Variants in GALNT18 observed in about 807,000 individuals in gnomAD.
GALNT18 encodes GalNAc-transferase 18.
A neutral mutation model predicts 69.5 loss-of-function variants in GALNT18; 44 were observed. That is an observed-to-expected ratio of 0.63 (90% CI 0.50 to 0.81). GALNT18 has a LOEUF of 0.81. GALNT18 is among the 40% of genes least tolerant of loss of function. The pLI, the probability that GALNT18 is intolerant of heterozygous loss-of-function variation, is 0.00. For synonymous variants in GALNT18, 364 were observed against 318.2 expected (o/e 1.14, Z -1.53); for missense variants, 715 against 810.0 (o/e 0.88, Z 1.42).
At position 11,563,827 on chromosome 11, in the gene GALNT18, C is replaced by T. The variant is rs752226933; in HGVS notation, c.235+57532G>A. 2.8e-4 allele frequency among the ~76,000 whole-genome samples: 43 copies of T among 152,084 alleles called. No individual in the cohort carries two copies. The highest frequency in any genetic ancestry group is 2.6e-4 in the Admixed American group (4 of 15,272). On this transcript the variant is annotated intron_variant, in intron 1 of 10. Transcript: ENST00000227756. The surrounding 1 kb of genome is among the most constrained non-coding windows in gnomAD (Gnocchi z 4.6). ...CTATAAATATCCAGAGAGAGGGAGACGAGATGAGAAAACAGATATCCTTTC... is the reference window on the plus strand; with the variant it reads ...CTATAAATATCCAGAGAGAGGGAGATGAGATGAGAAAACAGATATCCTTTC...
At chr11:11,409,959 C>A (rs568642876) in intron 3 of GALNT18, among the ~76,000 whole-genome samples, 2 of 152,308 alleles carry the variant, frequency 1.3e-5, no homozygotes, top group South Asian at 4.1e-4. Flanking sequence ...GAAGTTAACT[C>A]AAAGCTCCCT....
At chr11:11,397,057 C>T (rs1854349063) in intron 3 of GALNT18, among the ~76,000 whole-genome samples, 1 of 152,118 alleles carries the variant, frequency 6.6e-6, no homozygotes, top group African/African-American at 2.4e-5. Flanking sequence ...TATCTACATA[C>T]ACAGACCCCC....
At chr11:11,294,719 C>T (rs1263245651) in intron 9 of GALNT18, among the ~76,000 whole-genome samples, 10 of 152,138 alleles carry the variant, frequency 6.6e-5, no homozygotes, top group East Asian at 1.9e-4. Context: ...GGGAAAGCCA[C>T]GTGACTCTTG....
intron 1 of GALNT18, among the ~76,000 whole-genome samples, chr11:11,530,226 C>T (rs11021905): frequency 0.23 from 34,906 of 152,086 alleles, 4,477 homozygotes; most frequent in Non-Finnish European, 0.27. Flanking sequence ...GGAAGGGGCC[C>T]CTGGATTCCT....
rs1248657146 is a variant in GALNT18 at position 11,432,663 on chromosome 11, G to T, written c.553C>A (p.Leu185Met). ...TCCACCAGAATGATCTCCTTGAGCA[G>T]ATGTGGGGGCGTGCGTTCCATGGCC... ...HSAMERTPPH[L>M]LKEIILVDDN... Residue 185 changes from leucine (L) to methionine (M), a missense_variant, in exon 3 of 11, where the codon CTG (leucine) becomes ATG (methionine). Transcript: ENST00000227756. This position sits in a 1 kb window ranked among gnomAD's most constrained non-coding sequence, Gnocchi z 5.8. 1 of 1,612,296 alleles carries T rather than the reference G, an allele frequency of 6.2e-7. No individual in the cohort carries two copies. Among genetic ancestry groups the T allele is most frequent in the Admixed American group, 1.7e-5 (1 of 59,818 alleles).
chr11:11,362,303 A>C (rs1312057186), intron 6 of GALNT18, among the ~76,000 whole-genome samples: 1 of 152,210 alleles, frequency 6.6e-6, no homozygotes, highest in African/African-American at 2.4e-5. Flanking sequence ...GGAAGCAAGA[A>C]GAAAAAAAGT....
At position 11,342,052 on chromosome 11, in the gene GALNT18, T is replaced by C. The variant is rs554343884; in HGVS notation, c.1093-1048A>G. 3.3e-5 allele frequency among the ~76,000 whole-genome samples: 5 copies of C among 152,140 alleles called. No individual in the cohort carries two copies. In the South Asian group the frequency reaches 1.0e-3, roughly 32 times the overall value. Reference sequence around the variant, plus strand: ...CGATATTCAGAGTAGAGCCAATTTCTCCCTCCTCTGGCCCCCACAGCCCTT... The same window carrying C: ...CGATATTCAGAGTAGAGCCAATTTCCCCCTCCTCTGGCCCCCACAGCCCTT... On this transcript the variant is annotated intron_variant, in intron 6 of 10. Coordinates refer to ENST00000227756, the MANE Select transcript of GALNT18 (RefSeq NM_198516.3).
chr11:11,297,020 AAAGTG>A (rs1849413676), intron 9 of GALNT18, among the ~76,000 whole-genome samples: 1 of 152,172 alleles, frequency 6.6e-6, no homozygotes, highest in African/African-American at 2.4e-5. Flanking sequence ...TTTAAGGCAA[AAAGTG>A]ACTTAGAACG....
Position 11,402,689 on chromosome 11 carries a change from G to C in GALNT18, c.596-23425C>G, listed in dbSNP as rs1004992001. Among the ~76,000 whole-genome samples the C allele has an allele frequency of 6.6e-5, 10 of 152,134 alleles. No homozygotes were observed. The highest frequency in any genetic ancestry group is 2.4e-4 in the African/African-American group (10 of 41,416). ...GCCAGTGTCCCAAAAACTCTTTAAGGAACTATAAATCCCAGTCATTTTCCA... is the reference window on the plus strand; with the variant it reads ...GCCAGTGTCCCAAAAACTCTTTAAGCAACTATAAATCCCAGTCATTTTCCA... On this transcript the variant is annotated intron_variant, in intron 3 of 10. Transcript: ENST00000227756. This position sits in a 1 kb window ranked among gnomAD's most constrained non-coding sequence, Gnocchi z 4.0.
chr11:11,284,908 G>GTTTTTTT (rs58795517), intron 10 of GALNT18, among the ~76,000 whole-genome samples: 2,136 of 82,516 alleles, frequency 0.026, 211 homozygotes, highest in African/African-American at 0.052. Flanking sequence ...AGACTTTCGT[G>GTTTTTTT]TTTTTTTTTT....
At chr11:11,414,903 C>T (rs1245884928) in intron 3 of GALNT18, among the ~76,000 whole-genome samples, 2 of 152,202 alleles carry the variant, frequency 1.3e-5, no homozygotes, top group East Asian at 1.9e-4. Context: ...CTCAGGGTTT[C>T]ATTGGGCTGA....
intron 1 of GALNT18, among the ~76,000 whole-genome samples, chr11:11,489,152 A>C (rs6484950): frequency 0.97 from 148,176 of 152,304 alleles, 72,194 homozygotes; most frequent in East Asian, 1. Flanking sequence ...ACATGCCCAG[A>C]CCTGAATGAA....
chr11:11,428,240 G>A lies in GALNT18; in HGVS notation c.595+4381C>T, dbSNP rs544947942. Among the ~76,000 whole-genome samples, 6 of 152,350 alleles carry A rather than the reference G, an allele frequency of 3.9e-5. No homozygotes were observed. The South Asian group carries it at 1.2e-3, about 32-fold the overall frequency. On this transcript the variant is annotated intron_variant, in intron 3 of 10. Coordinates refer to ENST00000227756, the MANE Select transcript of GALNT18 (RefSeq NM_198516.3). ...CCTCCAAGTCAGGCTGAGATCCGAA[G>A]GGCCTTTAGCCATGTCCTAAGGCTA...
At chr11:11,443,424 T>C (rs1296583209) in intron 2 of GALNT18, among the ~76,000 whole-genome samples, 5 of 152,098 alleles carry the variant, frequency 3.3e-5, no homozygotes, top group Non-Finnish European at 7.4e-5. Flanking sequence ...CAGTGTATAG[T>C]TCAATGAGTT....
intron 1 of GALNT18, among the ~76,000 whole-genome samples, chr11:11,536,180 C>T (rs2133948407): frequency 6.6e-6 from 1 of 152,340 alleles, no homozygotes; most frequent in South Asian, 2.1e-4. Context: ...GAAAAGACCA[C>T]TCAGCAATAC....
chr11:11,517,724 C>T (rs1030609192), intron 1 of GALNT18, among the ~76,000 whole-genome samples: 6 of 152,212 alleles, frequency 3.9e-5, no homozygotes, highest in South Asian at 4.2e-4. Flanking sequence ...TGCTCAGTCC[C>T]GGTGGCCTGT....
chr11:11,336,514 T>C (rs1430385071), intron 7 of GALNT18, among the ~76,000 whole-genome samples: 1 of 152,194 alleles, frequency 6.6e-6, no homozygotes, highest in Admixed American at 6.5e-5. Flanking sequence ...TTACATGTAT[T>C]AACTTATTTA....
intron 9 of GALNT18, among the ~76,000 whole-genome samples, chr11:11,313,567 T>C (rs779806749): frequency 6.6e-6 from 1 of 152,190 alleles, no homozygotes; most frequent in Non-Finnish European, 1.5e-5. Context: ...CACCACCCTG[T>C]GATGGCTTAT....
rs762611928 is a variant in GALNT18, at chr11:11,352,947, T to C, written c.1093-11943A>G. ...AACAACTTTTTCATTATTTGTGATG[T>C]TGATGGCTTCAAATACTTCACTGTA... On this transcript the variant is annotated intron_variant, in intron 6 of 10. Transcript: ENST00000227756. 2.5e-5 allele frequency: 40 copies of C among 1,614,106 alleles called. No individual in the cohort carries two copies. The East Asian group carries it at 7.8e-4, about 31-fold the overall frequency.
Sources: gnomAD v4.1 joint callset for allele counts (sites outside exome capture counted in the v4.1 genomes callset) on GRCh38, gnomAD v4.1.1 for gene constraint, Gnocchi (gnomAD v3.1) non-coding constraint, MANE v1.5 for transcripts, NCBI Gene and HGNC (gene_info 2026-07-23, HGNC 2026-07-21) for gene names.